The following KIFC3 variants were observed in gnomAD, a reference collection of about 807,000 sequenced individuals.
KIFC3 encodes the protein kinesin family member C3.
KIFC3 carries 60 observed loss-of-function variants against 101.8 expected under a neutral mutation model. The observed-to-expected ratio is 0.59, with a 90% CI of 0.48 to 0.73. The LOEUF (loss-of-function observed/expected upper bound fraction) is 0.73, where lower values mean the gene tolerates loss of function less well. Ranked by LOEUF, KIFC3 falls within the 30% of genes least tolerant of loss-of-function variation. The pLI, the probability that KIFC3 is intolerant of heterozygous loss-of-function variation, is 0.00. For missense variants in KIFC3, 966 were observed against 1,137.1 expected, an observed-to-expected ratio of 0.85 and a Z score of 2.16; for synonymous variants, 476 against 482.7, an observed-to-expected ratio of 0.99 and a Z score of 0.18.
At chr16:57,761,250 G>A in intron 14 of KIFC3, 79 bp from the exon 15 acceptor site, 1 of 1,593,678 alleles carries the variant, frequency 6.3e-7, no homozygotes, top group Non-Finnish European at 8.6e-7. Flanking sequence ...GCACCCATGA[G>A]GAGTGGCACC....
At chr16:57,792,478 C>A (rs552589661) in intron 3 of KIFC3, among the ~76,000 whole-genome samples, 1 of 152,330 alleles carries the variant, frequency 6.6e-6, no homozygotes, top group African/African-American at 2.4e-5. Context: ...TCAAAGCTAT[C>A]ACTGCATGAA....
chr16:57,858,652 T>C, intron 1 of KIFC3, among the ~76,000 whole-genome samples: 1 of 151,980 alleles, frequency 6.6e-6, no homozygotes, highest in East Asian at 1.9e-4. Context: ...CAAATTTAAA[T>C]TTACATAATT....
At chr16:57,831,641 G>T (rs1237203563) in intron 1 of KIFC3, among the ~76,000 whole-genome samples, 2 of 152,182 alleles carry the variant, frequency 1.3e-5, no homozygotes, top group African/African-American at 4.8e-5. Flanking sequence ...TGTGAGCTAT[G>T]ATCATACCAC....
Position 57,788,640 on chromosome 16 carries a change from G to C in KIFC3, c.315+6359C>G, listed in dbSNP as rs1323456287. The C allele has an allele frequency of 1.1e-5, 14 of 1,289,450 alleles. No homozygotes were observed. The Middle Eastern group carries it at 6.4e-4, about 59-fold the overall frequency. The allele number at this position is 1,289,450 out of a possible 1,614,324, so 79.9% of individuals were successfully genotyped here. On this transcript the variant is annotated intron_variant, in intron 3 of 19. Transcript: ENST00000445690. ...CTCCCGGGCCCGCCTGGGGGCCGGC[G>C]CCTGTCTCTTCCAAAGCTTCTCTTC... is the stretch of plus-strand genomic sequence containing the variant.
intron 1 of KIFC3, among the ~76,000 whole-genome samples, chr16:57,838,805 C>T (rs1284875474): frequency 6.6e-6 from 1 of 152,094 alleles, no homozygotes; most frequent in African/African-American, 2.4e-5. Flanking sequence ...TTACAGTCAC[C>T]GCAAATCCCA....
intron 3 of KIFC3, among the ~76,000 whole-genome samples, chr16:57,793,387 G>GT (rs557217369): frequency 1.2e-4 from 18 of 151,926 alleles, no homozygotes; most frequent in Non-Finnish European, 2.6e-4. Flanking sequence ...GAGGTTAGGA[G>GT]TTCAAGACCA....
intron 1 of KIFC3, chr16:57,846,587 C>G (rs922359799): frequency 1.3e-5 from 2 of 152,244 alleles, no homozygotes; most frequent in South Asian, 2.1e-4. Context: ...GGAAGCTGCT[C>G]GCAGACAGCC....
chr16:57,848,770 C>G (rs931770554), intron 1 of KIFC3, among the ~76,000 whole-genome samples: 2 of 152,178 alleles, frequency 1.3e-5, no homozygotes, highest in Admixed American at 6.5e-5. Context: ...TGTCTTAGGA[C>G]TTAATGCATG....
intron 11 of KIFC3, among the ~76,000 whole-genome samples, chr16:57,765,250 C>T (rs1184649543): frequency 1.3e-5 from 2 of 152,140 alleles, no homozygotes; most frequent in Admixed American, 1.3e-4. Context: ...GTCTGGATCT[C>T]TCCTTCCTAA....
chr16:57,862,681 A>G, intron 1 of KIFC3: 1 of 677,252 alleles, frequency 1.5e-6, no homozygotes, highest in Non-Finnish European at 2.2e-6. Context: ...TCTCTCCAAC[A>G]GGCCTCCTCC....
chr16:57,836,608 G>T (rs995873313), intron 1 of KIFC3, among the ~76,000 whole-genome samples: 6 of 152,204 alleles, frequency 3.9e-5, no homozygotes, highest in Non-Finnish European at 8.8e-5. Flanking sequence ...GGCACAAAAA[G>T]AAAACAAAAA....
Position 57,759,919 on chromosome 16 carries a change from C to T in KIFC3, c.2368-83G>A. Reference sequence around the variant, plus strand: ...GCTGTGCTTCTCTCTACTCCCCTGCCCTGCCTCCTAACACCCAGTTTCCTC... The same window carrying T: ...GCTGTGCTTCTCTCTACTCCCCTGCTCTGCCTCCTAACACCCAGTTTCCTC... On this transcript the variant is annotated intron_variant, in intron 17 of 19. Coordinates refer to ENST00000445690, the MANE Select transcript of KIFC3 (RefSeq NM_001130100.2). 4.7e-6 allele frequency: 5 copies of T among 1,054,982 alleles called. No individual in the cohort carries two copies. The South Asian group carries it at 7.6e-5, about 16-fold the overall frequency. 65.4% of individuals were successfully genotyped at this position (1,054,982 alleles called of 1,614,324 possible). A position where few individuals can be genotyped will look rare whatever the true frequency, so the allele number is the denominator to read the frequency against.
chr16:57,770,430 G>A (rs971904375), intron 7 of KIFC3, 97 bp downstream of exon 7: 17 of 1,124,738 alleles, frequency 1.5e-5, no homozygotes, highest in Middle Eastern at 3.2e-4. Context: ...ACTGGACCCC[G>A]TGTCTGTGGG....
intron 1 of KIFC3, among the ~76,000 whole-genome samples, chr16:57,811,868 T>C (rs1053579494): frequency 6.7e-6 from 1 of 148,352 alleles, no homozygotes; most frequent in Admixed American, 6.8e-5. Context: ...TGAGCCGAGA[T>C]TGTGATTGTG....
chr16:57,804,756 AT>A (rs1229766123), upstream of KIFC3, among the ~76,000 whole-genome samples: 411 of 143,144 alleles, frequency 2.9e-3, 1 homozygote, highest in African/African-American at 6.3e-3. Flanking sequence ...TGCCTAGCTA[AT>A]TTTTTTTTTT....
intron 1 of KIFC3, among the ~76,000 whole-genome samples, chr16:57,815,841 C>T (rs1249837091): frequency 1.3e-5 from 2 of 152,220 alleles, no homozygotes; most frequent in African/African-American, 4.8e-5. Flanking sequence ...TTTCCTGCCA[C>T]TCCCCCACCT....
intron 1 of KIFC3, among the ~76,000 whole-genome samples, chr16:57,818,215 G>A (rs1188325374): frequency 1.3e-5 from 2 of 152,096 alleles, no homozygotes; most frequent in Non-Finnish European, 2.9e-5. Flanking sequence ...CCAAAGTGCT[G>A]GGATTACAGG....
At chr16:57,768,509 T>TCTCACACACACACACACACA (rs147198668) in intron 9 of KIFC3, among the ~76,000 whole-genome samples, 49 of 139,130 alleles carry the variant, frequency 3.5e-4, no homozygotes, top group African/African-American at 8.5e-4. Context: ...CCATATATTC[T>TCTCACACACACACACACACA]CACACACACA....
chr16:57,827,885 C>T (rs2055492414), intron 1 of KIFC3, among the ~76,000 whole-genome samples: 1 of 152,230 alleles, frequency 6.6e-6, no homozygotes, highest in Admixed American at 6.5e-5. Context: ...GTACTGAGCA[C>T]TAACTACACA....
Sources: allele counts gnomAD v4.1 joint callset (sites outside exome capture counted in the v4.1 genomes callset), GRCh38; gene constraint gnomAD v4.1.1; transcripts MANE v1.5; gene names NCBI Gene and HGNC (gene_info 2026-07-23, HGNC 2026-07-21).